Variants in PTPRD observed in about 807,000 individuals in gnomAD.
PTPRD encodes receptor-type tyrosine-protein phosphatase delta.
PTPRD carries 34 observed loss-of-function variants against 214.5 expected under a neutral mutation model. The ratio of observed to expected loss-of-function variants is 0.16; its 90% CI spans 0.12 to 0.21. The LOEUF (loss-of-function observed/expected upper bound fraction) is 0.21. PTPRD is among the 10% of genes least tolerant of loss of function. The pLI, the probability that PTPRD is intolerant of heterozygous loss-of-function variation, is 1.00. For missense variants in PTPRD, 2,545 were observed against 2,398.7 expected (o/e 1.06, Z -1.27); for synonymous variants, 1,128 against 845.7 (o/e 1.33, Z -5.79).
chr9:8,316,763 C>G lies in PTPRD; in HGVS notation c.*1111G>C, dbSNP rs1490823512. Reference sequence around the variant, plus strand: ...TAGGAAATCAGGGGGTGAGGTTTGACAATCAATCACTGATGTGCATTCCTC... The same window carrying G: ...TAGGAAATCAGGGGGTGAGGTTTGAGAATCAATCACTGATGTGCATTCCTC... On this transcript the variant is annotated 3_prime_UTR_variant, in exon 46 of 46. Coordinates refer to ENST00000381196, the MANE Select transcript of PTPRD (RefSeq NM_002839.4). The G allele has an allele frequency of 1.3e-5, 3 of 227,404 alleles. No homozygotes were observed. Among genetic ancestry groups the G allele is most frequent in the Non-Finnish European group, 2.6e-5 (3 of 116,622 alleles). The allele number at this position is 227,404 out of a possible 1,614,324, so 14.1% of individuals were successfully genotyped here.
chr9:10,607,845 A>AT (rs1172434705), intron 2 of PTPRD, among the ~76,000 whole-genome samples: 1 of 151,814 alleles, frequency 6.6e-6, no homozygotes, highest in Non-Finnish European at 1.5e-5. Flanking sequence ...TTGTTATTAC[A>AT]TTTTTTTAAA....
chr9:10,262,842 T>C (rs539513938), intron 3 of PTPRD, among the ~76,000 whole-genome samples: 3 of 152,266 alleles, frequency 2.0e-5, no homozygotes, highest in African/African-American at 7.2e-5. Flanking sequence ...GGTTTGGCTG[T>C]CTCCTCACCA....
At chr9:10,126,815 G>A (rs942715721) in intron 3 of PTPRD, among the ~76,000 whole-genome samples, 1 of 152,114 alleles carries the variant, frequency 6.6e-6, no homozygotes, top group Non-Finnish European at 1.5e-5. Flanking sequence ...CACTGTTCAA[G>A]CTTGACGAAA....
At chr9:10,020,033 T>G (rs2096815687) in intron 4 of PTPRD, among the ~76,000 whole-genome samples, 2 of 152,348 alleles carry the variant, frequency 1.3e-5, no homozygotes, top group South Asian at 4.1e-4. Flanking sequence ...ATTTTACTCT[T>G]GTTTTATATA....
chr9:9,436,894 A>AT (rs2085490010), intron 8 of PTPRD, among the ~76,000 whole-genome samples: 1 of 151,842 alleles, frequency 6.6e-6, no homozygotes, highest in South Asian at 2.1e-4. Context: ...TAAGGCAAAA[A>AT]AAAAAAGCCT....
At chr9:9,981,661 A>G (rs1414850373) in intron 4 of PTPRD, among the ~76,000 whole-genome samples, 1 of 152,092 alleles carries the variant, frequency 6.6e-6, no homozygotes, top group East Asian at 1.9e-4. Flanking sequence ...CGTCTGGCCA[A>G]CGATTCTACA....
At chr9:8,350,341 G>C (rs746862967) in intron 39 of PTPRD, among the ~76,000 whole-genome samples, 4 of 152,142 alleles carry the variant, frequency 2.6e-5, no homozygotes, top group Non-Finnish European at 4.4e-5. Context: ...ACATCATTTA[G>C]TTGGGTGCCA....
At chr9:8,937,273 G>T (rs1000451659) in intron 11 of PTPRD, among the ~76,000 whole-genome samples, 4 of 152,110 alleles carry the variant, frequency 2.6e-5, no homozygotes, top group African/African-American at 9.7e-5. Flanking sequence ...ATCAAAGAAC[G>T]TGCATGGGAT....
chr9:8,922,962 C>T (rs1360920550), intron 11 of PTPRD, among the ~76,000 whole-genome samples: 1 of 151,746 alleles, frequency 6.6e-6, no homozygotes, highest in Non-Finnish European at 1.5e-5. Flanking sequence ...TGCACCTGGC[C>T]CAAAGATTTT....
At chr9:8,325,711 C>G (rs972424322) in intron 44 of PTPRD, among the ~76,000 whole-genome samples, 2 of 152,156 alleles carry the variant, frequency 1.3e-5, no homozygotes, top group African/African-American at 4.8e-5. Flanking sequence ...TCTTCCTATC[C>G]GTGAGCATGG....
chr9:9,979,612 C>G (rs2095472530), intron 4 of PTPRD, among the ~76,000 whole-genome samples: 1 of 151,958 alleles, frequency 6.6e-6, no homozygotes, highest in Admixed American at 6.6e-5. Context: ...AGATTCAAAG[C>G]AATCACCATA....
At chr9:8,420,808 T>C (rs1256219178) in intron 35 of PTPRD, among the ~76,000 whole-genome samples, 3 of 120,322 alleles carry the variant, frequency 2.5e-5, no homozygotes, top group Non-Finnish European at 3.6e-5. Context: ...TTTTTCTTTT[T>C]TTTTTTTTTT....
intron 5 of PTPRD, among the ~76,000 whole-genome samples, chr9:9,863,481 T>C (rs1229278449): frequency 6.6e-6 from 1 of 152,156 alleles, no homozygotes; most frequent in Non-Finnish European, 1.5e-5. Context: ...CTTTCTCCCA[T>C]TGTGTAGCAA....
chr9:8,454,811 A>AGTGTGTGTGT (rs3043784), intron 33 of PTPRD, among the ~76,000 whole-genome samples: 1 of 148,644 alleles, frequency 6.7e-6, no homozygotes, highest in East Asian at 2.0e-4. Flanking sequence ...CTGAATACAT[A>AGTGTGTGTGT]GTGTGTGTGT....
chr9:9,391,328 A>G (rs1361534175), intron 9 of PTPRD, among the ~76,000 whole-genome samples: 2 of 152,168 alleles, frequency 1.3e-5, no homozygotes, highest in African/African-American at 4.8e-5. Context: ...GAGACATTTC[A>G]TTTTTTAAAT....
intron 9 of PTPRD, among the ~76,000 whole-genome samples, chr9:9,268,634 C>A (rs925942203): frequency 1.3e-5 from 2 of 150,888 alleles, no homozygotes; most frequent in African/African-American, 2.4e-5. Flanking sequence ...CTATAGCAAT[C>A]AAAGCACTAT....
intron 11 of PTPRD, among the ~76,000 whole-genome samples, chr9:8,826,920 C>G (rs908065088): frequency 6.6e-6 from 1 of 152,100 alleles, no homozygotes; most frequent in African/African-American, 2.4e-5. Flanking sequence ...ACCCAATGAG[C>G]ACGATTCCTT....
intron 3 of PTPRD, among the ~76,000 whole-genome samples, chr9:10,230,457 T>TATCTATCTATCTATCC (rs1564666799): frequency 5.9e-5 from 9 of 151,540 alleles, no homozygotes; most frequent in African/African-American, 1.9e-4. Flanking sequence ...TCTATCTATC[T>TATCTATCTATCTATCC]ATCTATCTAT....
intron 34 of PTPRD, among the ~76,000 whole-genome samples, chr9:8,441,632 G>C (rs1018234041): frequency 6.6e-6 from 1 of 152,006 alleles, no homozygotes; most frequent in African/African-American, 2.4e-5. Flanking sequence ...CTGCATGCTT[G>C]TATCCACAAG....
Sources: gnomAD v4.1 joint callset for allele counts (sites outside exome capture counted in the v4.1 genomes callset) on GRCh38, gnomAD v4.1.1 for gene constraint, MANE v1.5 for transcripts, NCBI Gene and HGNC (gene_info 2026-07-23, HGNC 2026-07-21) for gene names.